Variants in SEC22C observed in about 807,000 individuals in gnomAD.
SEC22C encodes SEC22 homolog C, vesicle trafficking protein.
A neutral mutation model predicts 34.7 loss-of-function variants in SEC22C; 29 were observed. The ratio of observed to expected loss-of-function variants is 0.84; its 90% CI spans 0.62 to 1.14. The LOEUF is 1.14. SEC22C is among the 50% of genes most tolerant of loss of function. The probability of loss-of-function intolerance (pLI) is 0.00; values close to 1 mark genes in which losing one functional copy is unlikely to be tolerated. For synonymous variants in SEC22C, 117 were observed against 132.8 expected (o/e 0.88, Z 0.82); for missense variants, 337 against 369.0 (o/e 0.91, Z 0.71).
intron 3 of SEC22C, among the ~76,000 whole-genome samples, chr3:42,563,069 T>C (rs1424008779): frequency 3.9e-5 from 6 of 152,254 alleles, no homozygotes; most frequent in African/African-American, 1.4e-4. Context: ...AACAAAAGTT[T>C]CTTACAATGC....
At chr3:42,588,004 T>C (rs1195150947) in intron 1 of SEC22C, among the ~76,000 whole-genome samples, 4 of 146,286 alleles carry the variant, frequency 2.7e-5, no homozygotes, top group Non-Finnish European at 1.5e-5. Flanking sequence ...ACCCCGGAGG[T>C]GGAGGTTGCA....
In SEC22C at chr3:42,561,226, T is replaced by C; in HGVS notation, c.417A>G (p.Glu139=). The C allele has an allele frequency of 1.2e-6, 2 of 1,614,212 alleles. No individual in the cohort carries two copies. Among genetic ancestry groups the C allele is most frequent in the Non-Finnish European group, 1.7e-6 (2 of 1,180,028 alleles). ...VSSSQMECSL[E]KIQEELKLQP... is the part of the protein sequence containing the mutation. ...GCAACTTGAGCTCCTCCTGAATTTT[T>C]TCCAAGCTGCACTCCATCTGAGAGG... Residue 139 remains glutamate (E), a synonymous_variant, in exon 4 of 7, where the codon GAA becomes GAG. Coordinates refer to ENST00000264454, the MANE Select transcript of SEC22C (RefSeq NM_032970.4).
At chr3:42,600,608 T>C (rs913747415) in intron 1 of SEC22C, 10 of 156,342 alleles carry the variant, frequency 6.4e-5, no homozygotes, top group African/African-American at 2.4e-4. Flanking sequence ...CACCCCCATC[T>C]AGACTGTACT....
chr3:42,582,351 T>TGCGGTCCGCGC (rs1191710595), upstream of SEC22C: 1 of 152,350 alleles, frequency 6.6e-6, no homozygotes, highest in Non-Finnish European at 1.5e-5. Flanking sequence ...GCGTATGTTC[T>TGCGGTCCGCGC]GCGGTCCGCG....
At chr3:42,568,302 A>C (rs1482863224) in intron 2 of SEC22C, among the ~76,000 whole-genome samples, 1 of 151,774 alleles carries the variant, frequency 6.6e-6, no homozygotes. Flanking sequence ...AAAGACATGA[A>C]CCCAGGTCTC....
intron 1 of SEC22C, among the ~76,000 whole-genome samples, chr3:42,597,425 G>A (rs1487290999): frequency 3.3e-5 from 5 of 152,138 alleles, no homozygotes; most frequent in Non-Finnish European, 7.4e-5. Flanking sequence ...GTGTGGTGGC[G>A]TGTGCCTGTA....
intron 4 of SEC22C, among the ~76,000 whole-genome samples, chr3:42,560,263 C>T (rs1164164871): frequency 6.8e-6 from 1 of 147,214 alleles, no homozygotes; most frequent in East Asian, 2.0e-4. Context: ...AATGAATCTT[C>T]TTTATAACAT....
intron 1 of SEC22C, among the ~76,000 whole-genome samples, chr3:42,573,735 A>G (rs964680214): frequency 6.6e-6 from 1 of 152,162 alleles, no homozygotes; most frequent in Non-Finnish European, 1.5e-5. Context: ...CAATAGAAAT[A>G]TGGGGGGGAG....
chr3:42,581,707 G>GC (rs1704367438), intron 1 of SEC22C, 139 bp downstream of exon 1: 1 of 152,558 alleles, frequency 6.6e-6, no homozygotes, highest in Non-Finnish European at 1.5e-5. Flanking sequence ...CCCGTGGGGA[G>GC]CCCCATGGTC....
chr3:42,597,514 C>T, intron 1 of SEC22C, among the ~76,000 whole-genome samples: 1 of 151,650 alleles, frequency 6.6e-6, no homozygotes, highest in East Asian at 1.9e-4. Flanking sequence ...CAAGATCGTG[C>T]CACTGCACTC....
chr3:42,570,582 G>A (rs1179698188), intron 1 of SEC22C, among the ~76,000 whole-genome samples: 1 of 152,078 alleles, frequency 6.6e-6, no homozygotes, highest in South Asian at 2.1e-4. Context: ...CCTTCCATTG[G>A]GGAGTAAAAA....
At chr3:42,600,793 C>T (rs1261355046) in intron 1 of SEC22C, 3 of 385,648 alleles carry the variant, frequency 7.8e-6, no homozygotes, top group Middle Eastern at 6.8e-4. Context: ...AGAGCTCGCC[C>T]GCATGCGTGC....
At position 42,548,745 on chromosome 3, in the gene SEC22C, AC is replaced by A; in HGVS notation, c.*4502del. On this transcript the variant is annotated 3_prime_UTR_variant, in exon 7 of 7. Transcript: ENST00000264454. Reference sequence around the variant, plus strand: ...CAGGGTGGGAAGAAGAGGGGCTGCTACCTTTTGGAGTGAAAAAAATGAGGTT... The same window carrying A: ...CAGGGTGGGAAGAAGAGGGGCTGCTACTTTTGGAGTGAAAAAAATGAGGTT... The A allele has an allele frequency of 1.2e-6, 2 of 1,602,034 alleles. No individual in the cohort carries two copies. The highest frequency in any genetic ancestry group is 1.1e-5 in the South Asian group (1 of 90,332).
chr3:42,599,127 G>A (rs1192240749), intron 1 of SEC22C, among the ~76,000 whole-genome samples: 1 of 150,950 alleles, frequency 6.6e-6, no homozygotes, highest in Non-Finnish European at 1.5e-5. Context: ...CACCACGCCC[G>A]GCTAATTTTT....
intron 6 of SEC22C, 49 bp downstream of exon 6, chr3:42,555,881 A>G: frequency 7.0e-7 from 1 of 1,422,414 alleles, no homozygotes; most frequent in African/African-American, 1.4e-5. Context: ...CAGAAGAACA[A>G]AGTAAGGTCA....
chr3:42,575,103 T>C (rs1324325571), intron 1 of SEC22C, among the ~76,000 whole-genome samples: 1 of 152,172 alleles, frequency 6.6e-6, no homozygotes, highest in African/African-American at 2.4e-5. Context: ...CCATCTCAGC[T>C]TCCCAAAGTA....
chr3:42,590,743 A>G, intron 1 of SEC22C: 1 of 804,006 alleles, frequency 1.2e-6, no homozygotes, highest in Non-Finnish European at 2.1e-6. Context: ...GGACCGAGGA[A>G]AGCGCTGAGT....
In SEC22C at chr3:42,548,928, T is replaced by C; in HGVS notation, c.*4320A>G. 2 of 1,263,224 alleles carry C rather than the reference T, an allele frequency of 1.6e-6. No individual in the cohort carries two copies. The highest frequency in any genetic ancestry group is 2.0e-6 in the Non-Finnish European group (2 of 997,634). The allele number at this position is 1,263,224 out of a possible 1,614,324, so 78.3% of individuals were successfully genotyped here. On this transcript the variant is annotated 3_prime_UTR_variant, in exon 7 of 7. Transcript: ENST00000264454. ...ACCCAGTATTACCCTCCACTACCAC[T>C]TTTGACCCTCATAACAGCACCCTGG...
At chr3:42,560,191 TATATATATA>T (rs1204571322) in intron 4 of SEC22C, among the ~76,000 whole-genome samples, 26 of 145,430 alleles carry the variant, frequency 1.8e-4, no homozygotes, top group African/African-American at 6.2e-4. Flanking sequence ...ATATATATAT[TATATATATA>T]ATATATATAA....
Sources: allele counts gnomAD v4.1 joint callset (sites outside exome capture counted in the v4.1 genomes callset), GRCh38; gene constraint gnomAD v4.1.1; transcripts MANE v1.5; gene names NCBI Gene and HGNC (gene_info 2026-07-23, HGNC 2026-07-21).